The following IL1RAPL2 variants were observed in gnomAD, a reference collection of about 807,000 sequenced individuals.
IL1RAPL2 encodes the protein X-linked interleukin-1 receptor accessory protein-like 2.
IL1RAPL2 carries 3 observed loss-of-function variants against 44.1 expected under a neutral mutation model. The observed-to-expected ratio is 0.07, with a 90% CI of 0.03 to 0.18. The LOEUF (loss-of-function observed/expected upper bound fraction) is 0.18. IL1RAPL2 is among the 10% of genes least tolerant of loss of function. The pLI is 1.00. For synonymous variants in IL1RAPL2, 181 were observed against 178.8 expected (o/e 1.01, Z -0.10); for missense variants, 391 against 496.4 (o/e 0.79, Z 2.02).
In IL1RAPL2 at chrX:105,629,732, A is replaced by G. The variant is rs761084126; in HGVS notation, c.773-87635A>G. ...AAATCTTCATGTTTTCCCCCAAATT[A>G]TGTATCCATCTGTTAAATTATTCAT... On this transcript the variant is annotated intron_variant, in intron 6 of 10. Coordinates refer to ENST00000372582, the MANE Select transcript of IL1RAPL2 (RefSeq NM_017416.2). Among the ~76,000 whole-genome samples, 21 of 112,012 alleles carry G rather than the reference A, an allele frequency of 1.9e-4. 1 individual carries two copies. The South Asian group carries it at 7.4e-3, about 39-fold the overall frequency.
chrX:104,998,793 G>A (rs2030796512), intron 2 of IL1RAPL2, among the ~76,000 whole-genome samples: 1 of 109,909 alleles, frequency 9.1e-6, no homozygotes, highest in African/African-American at 3.3e-5. Context: ...GAAAATACTA[G>A]AGTATTTTAT....
chrX:105,567,855 G>A (rs758718288), intron 6 of IL1RAPL2, among the ~76,000 whole-genome samples: 86 of 110,811 alleles, frequency 7.8e-4, no homozygotes, highest in African/African-American at 2.8e-3. Flanking sequence ...CTGGCCTGTG[G>A]CATTTATCTA....
At chrX:105,759,227 A>C (rs886433587) in intron 10 of IL1RAPL2, among the ~76,000 whole-genome samples, 6 of 112,534 alleles carry the variant, frequency 5.3e-5, no homozygotes, top group African/African-American at 1.9e-4. Flanking sequence ...CTAAAAGTAG[A>C]AACAACCCAA....
chrX:105,744,732 C>G (rs746798424), intron 8 of IL1RAPL2, among the ~76,000 whole-genome samples: 3 of 111,805 alleles, frequency 2.7e-5, no homozygotes, highest in African/African-American at 9.7e-5. Flanking sequence ...CTGTCTGCAC[C>G]TACCACTTCC....
chrX:105,126,393 G>A (rs991555611), intron 2 of IL1RAPL2, among the ~76,000 whole-genome samples: 1 of 110,541 alleles, frequency 9.0e-6, no homozygotes, highest in Non-Finnish European at 1.9e-5. Context: ...CCTCTCTCTA[G>A]GAAATCACCT....
intron 2 of IL1RAPL2, among the ~76,000 whole-genome samples, chrX:104,926,799 T>C (rs1183075423): frequency 1.8e-5 from 2 of 111,637 alleles, no homozygotes; most frequent in Non-Finnish European, 3.8e-5. Context: ...TCAGGGTTCT[T>C]TGTGGCAAGT....
chrX:104,750,076 C>T (rs1461449424), intron 2 of IL1RAPL2, among the ~76,000 whole-genome samples: 2 of 111,823 alleles, frequency 1.8e-5, no homozygotes. Context: ...TTTTCTGAGG[C>T]TTGCTCGCTA....
At chrX:104,904,760 C>A (rs1347900332) in intron 2 of IL1RAPL2, among the ~76,000 whole-genome samples, 1 of 109,856 alleles carries the variant, frequency 9.1e-6, no homozygotes, top group Non-Finnish European at 1.9e-5. Flanking sequence ...CTGCAATAAA[C>A]ATACATGTGC....
intron 2 of IL1RAPL2, among the ~76,000 whole-genome samples, chrX:105,027,011 C>A (rs186456393): frequency 1.8e-5 from 2 of 110,915 alleles, no homozygotes; most frequent in Non-Finnish European, 3.8e-5. Flanking sequence ...GAACCCAAAA[C>A]AAAATCCACA....
rs748365543 is a variant in IL1RAPL2, at chrX:105,484,352, T to C, written c.737T>C (p.Met246Thr). ...AAGCCTCCCAAGCCATTGTTCCCCA[T>C]GGAGAATCAGCCAAGTGTTATAGAT... ...TDKPPKPLFP[M>T]ENQPSVIDVQ... The change falls in exon 6 of 11, where the codon ATG (methionine) becomes ACG (threonine). Residue 246 changes from methionine to threonine, a missense_variant. By Grantham distance (81) the Met-to-Thr change is moderately conservative. Transcript: ENST00000372582. 1 of 1,206,549 alleles carries C rather than the reference T, an allele frequency of 8.3e-7. No individual in the cohort carries two copies. The highest frequency in any genetic ancestry group is 1.1e-6 in the Non-Finnish European group (1 of 890,682).
At chrX:105,373,446 A>T (rs1023490856) in intron 5 of IL1RAPL2, among the ~76,000 whole-genome samples, 2 of 110,703 alleles carry the variant, frequency 1.8e-5, no homozygotes, top group African/African-American at 6.6e-5. Flanking sequence ...GTTTGCAAAA[A>T]TTTTCTCCCA....
intron 2 of IL1RAPL2, among the ~76,000 whole-genome samples, chrX:104,700,852 G>A (rs964738352): frequency 8.9e-5 from 10 of 111,883 alleles, no homozygotes; most frequent in African/African-American, 1.6e-4. Flanking sequence ...GCCCAGGGCC[G>A]TTATGTGTAT....
chrX:104,635,141 T>A (rs1929764079), intron 1 of IL1RAPL2, among the ~76,000 whole-genome samples: 1 of 111,602 alleles, frequency 9.0e-6, no homozygotes, highest in Non-Finnish European at 1.9e-5. Context: ...GGTTGAAAAT[T>A]CTTTTCTTTA....
intron 2 of IL1RAPL2, among the ~76,000 whole-genome samples, chrX:105,057,948 ATT>A (rs763809656): frequency 0.037 from 1,910 of 52,277 alleles, 70 homozygotes; most frequent in African/African-American, 0.12. Context: ...CACCCAGCTA[ATT>A]TTTTTTTTTT....
Position 104,960,255 on chromosome X carries a change from T to C in IL1RAPL2, c.83-235220T>C, listed in dbSNP as rs1217066627. Among the ~76,000 whole-genome samples the C allele has an allele frequency of 3.6e-5, 4 of 112,114 alleles. No individual in the cohort carries two copies. In the Admixed American group the frequency reaches 3.8e-4, roughly 11 times the overall value. On this transcript the variant is annotated intron_variant, in intron 2 of 10. Coordinates refer to ENST00000372582, the MANE Select transcript of IL1RAPL2 (RefSeq NM_017416.2). ...AAAGCTGGGGAAGTCTATTGAAGAA[T>C]ACAAGGAAAGGAAAACTACCTAAGG... is the stretch of plus-strand genomic sequence containing the variant.
intron 2 of IL1RAPL2, among the ~76,000 whole-genome samples, chrX:104,855,680 C>CTTTTTTTTTTTTTTTTTTTTTTTT (rs1304044009): frequency 3.7e-5 from 2 of 53,778 alleles, no homozygotes; most frequent in Admixed American, 1.8e-4. Flanking sequence ...GATCTGGATC[C>CTTTTTTTTTTTTTTTTTTTTTTTT]GTTTTTTTTT....
chrX:104,585,352 T>A (rs1330291296), intron 1 of IL1RAPL2, among the ~76,000 whole-genome samples: 187 of 13,616 alleles, frequency 0.014, 5 homozygotes, highest in African/African-American at 0.072. Flanking sequence ...ATTATATATA[T>A]TATATATATT....
intron 6 of IL1RAPL2, among the ~76,000 whole-genome samples, chrX:105,492,426 A>G (rs1197997701): frequency 9.0e-6 from 1 of 110,586 alleles, no homozygotes; most frequent in East Asian, 2.8e-4. Flanking sequence ...AATATTAACA[A>G]CTATAGTAAT....
chrX:104,678,935 C>T (rs779188062), intron 2 of IL1RAPL2, among the ~76,000 whole-genome samples: 1 of 111,190 alleles, frequency 9.0e-6, no homozygotes, highest in South Asian at 3.9e-4. Flanking sequence ...AACAAACCTG[C>T]ATGTTCTGCA....
Sources: allele counts gnomAD v4.1 joint callset (sites outside exome capture counted in the v4.1 genomes callset), GRCh38; gene constraint gnomAD v4.1.1; transcripts MANE v1.5; gene names NCBI Gene and HGNC (gene_info 2026-07-23, HGNC 2026-07-21).